Variants in IMMP2L observed in about 807,000 individuals in gnomAD.
The protein encoded by IMMP2L is inner mitochondrial membrane peptidase subunit 2, also known as mitochondrial inner membrane protease subunit 2.
In IMMP2L, 18 loss-of-function variants were observed where a neutral mutation model predicts 19.3. That is an observed-to-expected ratio of 0.93 (90% CI 0.64 to 1.38). The LOEUF (loss-of-function observed/expected upper bound fraction) is 1.38, where lower values mean the gene tolerates loss of function less well. IMMP2L is among the 40% of genes most tolerant of loss of function. The probability of loss-of-function intolerance (pLI) is 0.00; values close to 1 mark genes in which losing one functional copy is unlikely to be tolerated. For missense variants in IMMP2L, 233 were observed against 218.2 expected, an observed-to-expected ratio of 1.07 and a Z score of -0.43; for synonymous variants, 76 against 73.0, an observed-to-expected ratio of 1.04 and a Z score of -0.21.
chr7:111,549,786 C>A (rs949476893), intron 1 of IMMP2L, among the ~76,000 whole-genome samples: 1 of 151,898 alleles, frequency 6.6e-6, no homozygotes, highest in Non-Finnish European at 1.5e-5. Context: ...ACTAAAAATA[C>A]AAAGATTAGC....
Position 111,293,266 on chromosome 7 carries a change from A to T in IMMP2L, c.239+193972T>A, listed in dbSNP as rs956990454. ...AAGAATAGCTTACTGCTCCAAAGATAATCAAAATATTAATCCTTTTCACTT... is the reference window on the plus strand; with the variant it reads ...AAGAATAGCTTACTGCTCCAAAGATTATCAAAATATTAATCCTTTTCACTT... On this transcript the variant is annotated intron_variant, in intron 3 of 5. Transcript: ENST00000405709. 3.9e-5 allele frequency among the ~76,000 whole-genome samples: 6 copies of T among 152,154 alleles called. No homozygotes were observed. The East Asian group carries it at 1.2e-3, about 29-fold the overall frequency.
chr7:111,306,000 A>G lies in IMMP2L; in HGVS notation c.239+181238T>C, dbSNP rs1274966469. 4.6e-5 allele frequency among the ~76,000 whole-genome samples: 7 copies of G among 152,178 alleles called. No homozygotes were observed. The East Asian group carries it at 1.3e-3, about 29-fold the overall frequency. ...AAATTTTTATAATAAATCTCTAAAT[A>G]TCATGAAATGTAAAAAAGATGGCCC... On this transcript the variant is annotated intron_variant, in intron 3 of 5. Transcript: ENST00000405709.
rs1464551099 is a variant in IMMP2L at position 111,500,976 on chromosome 7, T to C, written c.136-13635A>G. On this transcript the variant is annotated intron_variant, in intron 2 of 5. Coordinates refer to ENST00000405709, the MANE Select transcript of IMMP2L (RefSeq NM_032549.4). ...CAACGGAACAAAGCTGGACGGAGAA[T>C]GACTTTGACGAGTTGAGAGAAGAAG... 6.6e-5 allele frequency among the ~76,000 whole-genome samples: 10 copies of C among 152,178 alleles called. No individual in the cohort carries two copies. In the South Asian group the frequency reaches 1.0e-3, roughly 16 times the overall value.
intron 5 of IMMP2L, among the ~76,000 whole-genome samples, chr7:110,849,945 G>A (rs7793772): frequency 0.01 from 1,548 of 152,038 alleles, 25 homozygotes; most frequent in African/African-American, 0.035. Flanking sequence ...GTTTCAAGTG[G>A]TCTTAGAGAA....
At chr7:110,695,016 C>T (rs1377064667) in intron 5 of IMMP2L, among the ~76,000 whole-genome samples, 1 of 151,876 alleles carries the variant, frequency 6.6e-6, no homozygotes, top group Non-Finnish European at 1.5e-5. Context: ...ATAGGGAAAT[C>T]CACAGAGATA....
intron 3 of IMMP2L, among the ~76,000 whole-genome samples, chr7:111,037,820 G>A (rs10278436): frequency 1.3e-5 from 2 of 152,240 alleles, no homozygotes; most frequent in East Asian, 3.9e-4. Flanking sequence ...AATGAAAAGG[G>A]AGAAACTATG....
intron 4 of IMMP2L, among the ~76,000 whole-genome samples, chr7:110,948,712 G>A (rs894104380): frequency 2.0e-5 from 3 of 152,058 alleles, no homozygotes; most frequent in African/African-American, 7.2e-5. Context: ...TTAATTTTAG[G>A]TGCCAATTTA....
At chr7:110,733,868 C>T (rs1376139505) in intron 5 of IMMP2L, among the ~76,000 whole-genome samples, 1 of 152,044 alleles carries the variant, frequency 6.6e-6, no homozygotes, top group Admixed American at 6.6e-5. Flanking sequence ...ATCCAGGTAC[C>T]ATCTATGAAG....
At chr7:110,736,189 A>G (rs867673456) in intron 5 of IMMP2L, among the ~76,000 whole-genome samples, 1 of 152,050 alleles carries the variant, frequency 6.6e-6, no homozygotes, top group African/African-American at 2.4e-5. Context: ...GGGCTTGGCT[A>G]CCTCCACCTA....
At chr7:111,334,805 C>A (rs1826230388) in intron 3 of IMMP2L, among the ~76,000 whole-genome samples, 1 of 152,072 alleles carries the variant, frequency 6.6e-6, no homozygotes, top group Non-Finnish European at 1.5e-5. Flanking sequence ...GTTTTTTAAA[C>A]CTTCACTTGT....
Position 110,753,828 on chromosome 7 carries a change from C to T in IMMP2L, c.409-90107G>A, listed in dbSNP as rs897224364. 1.6e-4 allele frequency among the ~76,000 whole-genome samples: 24 copies of T among 151,040 alleles called. No individual in the cohort carries two copies. In the Middle Eastern group the frequency reaches 0.01, roughly 65 times the overall value. On this transcript the variant is annotated intron_variant, in intron 5 of 5. Transcript: ENST00000405709. ...CAAAATAGGGCGGGAATATAGACAG[C>T]GGAGGAAAATTGTGTCTAAACACCA...
intron 3 of IMMP2L, among the ~76,000 whole-genome samples, chr7:111,042,851 T>A (rs1406071340): frequency 6.6e-6 from 1 of 152,182 alleles, no homozygotes; most frequent in Non-Finnish European, 1.5e-5. Flanking sequence ...GGGAAAATAA[T>A]AAAGAAATTT....
chr7:111,438,499 A>C (rs1271581000), intron 3 of IMMP2L, among the ~76,000 whole-genome samples: 1 of 151,846 alleles, frequency 6.6e-6, no homozygotes, highest in Non-Finnish European at 1.5e-5. Flanking sequence ...TAGAGAACAA[A>C]AATTCACTTT....
chr7:110,759,577 G>T (rs1798234387), intron 5 of IMMP2L, among the ~76,000 whole-genome samples: 1 of 151,986 alleles, frequency 6.6e-6, no homozygotes, highest in Non-Finnish European at 1.5e-5. Flanking sequence ...TTCAAAAATG[G>T]CTATGGTAAA....
intron 2 of IMMP2L, among the ~76,000 whole-genome samples, chr7:111,497,474 T>A (rs1243942230): frequency 6.6e-6 from 1 of 152,094 alleles, no homozygotes; most frequent in Non-Finnish European, 1.5e-5. Flanking sequence ...TTATGGATAT[T>A]AAAAAATGAT....
At chr7:111,364,446 G>T (rs756961636) in intron 3 of IMMP2L, among the ~76,000 whole-genome samples, 1 of 151,918 alleles carries the variant, frequency 6.6e-6, no homozygotes, top group Non-Finnish European at 1.5e-5. Flanking sequence ...CTTAGTCACA[G>T]TTCCTTTATT....
At chr7:110,829,806 G>C (rs571153812) in intron 5 of IMMP2L, among the ~76,000 whole-genome samples, 2 of 152,166 alleles carry the variant, frequency 1.3e-5, no homozygotes, top group South Asian at 2.1e-4. Context: ...ATCTTTGAAG[G>C]CTCCTGGAGG....
intron 3 of IMMP2L, among the ~76,000 whole-genome samples, chr7:111,397,817 T>C (rs1033590678): frequency 6.6e-6 from 1 of 152,134 alleles, no homozygotes; most frequent in East Asian, 1.9e-4. Context: ...CAGGTTCTCA[T>C]TCACTTTATC....
At chr7:111,534,229 C>A (rs1352710031) in intron 1 of IMMP2L, among the ~76,000 whole-genome samples, 1 of 151,956 alleles carries the variant, frequency 6.6e-6, no homozygotes, top group African/African-American at 2.4e-5. Flanking sequence ...TTCAACATAC[C>A]ATTTTTATTG....
Sources: allele counts gnomAD v4.1 joint callset (sites outside exome capture counted in the v4.1 genomes callset), GRCh38; gene constraint gnomAD v4.1.1; transcripts MANE v1.5; gene names NCBI Gene and HGNC (gene_info 2026-07-23, HGNC 2026-07-21).